PITPNB: variants seen among roughly 807,000 people sequenced by gnomAD.
PITPNB encodes phosphatidylinositol transfer protein beta isoform.
In PITPNB, 16 loss-of-function variants were observed where a neutral mutation model predicts 45.9. The observed-to-expected ratio is 0.35, with a 90% confidence interval of 0.24 to 0.53. The LOEUF (loss-of-function observed/expected upper bound fraction) is 0.53, where lower values mean the gene tolerates loss of function less well. Ranked by LOEUF, PITPNB falls within the 20% of genes least tolerant of loss-of-function variation. The pLI is 0.93. For missense variants in PITPNB, 188 were observed against 330.5 expected (o/e 0.57, Z 3.34); for synonymous variants, 112 against 108.9 (o/e 1.03, Z -0.18).
chr22:27,889,422 TC>T (rs573471303), intron 7 of PITPNB, among the ~76,000 whole-genome samples: 33 of 152,154 alleles, frequency 2.2e-4, no homozygotes, highest in Non-Finnish European at 2.8e-4. Context: ...CAAAGACTCT[TC>T]CCTCTCAGGT....
intron 10 of PITPNB, among the ~76,000 whole-genome samples, chr22:27,856,314 C>T (rs1385615837): frequency 2.6e-5 from 4 of 152,180 alleles, no homozygotes; most frequent in Non-Finnish European, 5.9e-5. Context: ...ACCTTCTTCT[C>T]GAGTGCAATT....
chr22:27,865,546 C>G (rs1383259207), intron 8 of PITPNB, among the ~76,000 whole-genome samples: 1 of 152,184 alleles, frequency 6.6e-6, no homozygotes, highest in Admixed American at 6.5e-5. Context: ...TGAAAAATCT[C>G]AATGGGGCAA....
chr22:27,913,881 T>C lies in PITPNB; in HGVS notation c.51+436A>G, dbSNP rs1381088690. Among the ~76,000 whole-genome samples the C allele has an allele frequency of 1.3e-5, 2 of 152,306 alleles. 1 individual carries two copies. Among genetic ancestry groups the C allele is most frequent in the Middle Eastern group, 6.8e-3 (2 of 294 alleles). The stretch of plus-strand genomic sequence containing the variant: ...CAAGACAGAACAGGCTTATTTCCCA[T>C]TGCTCAAATGGGATAAACTGTAAAC... On this transcript the variant is annotated intron_variant, in intron 2 of 11. Coordinates refer to ENST00000335272, the MANE Select transcript of PITPNB (RefSeq NM_012399.5).
intron 1 of PITPNB, among the ~76,000 whole-genome samples, chr22:27,918,001 G>A (rs1936134181): frequency 6.6e-6 from 1 of 152,154 alleles, no homozygotes; most frequent in Non-Finnish European, 1.5e-5. Context: ...AACAAAAGCA[G>A]GTGGAAAGGT....
At chr22:27,885,472 T>C (rs1935098721) in intron 7 of PITPNB, among the ~76,000 whole-genome samples, 1 of 152,178 alleles carries the variant, frequency 6.6e-6, no homozygotes, top group South Asian at 2.1e-4. Context: ...CAAAACACTT[T>C]TTAATCTGAC....
intron 1 of PITPNB, among the ~76,000 whole-genome samples, chr22:27,915,454 A>G (rs1026584507): frequency 2.6e-5 from 4 of 152,024 alleles, no homozygotes; most frequent in African/African-American, 4.8e-5. Context: ...AACCCAGATT[A>G]TATCTAGTTT....
chr22:27,905,018 C>A (rs1371052473), intron 3 of PITPNB, among the ~76,000 whole-genome samples: 2 of 152,180 alleles, frequency 1.3e-5, no homozygotes, highest in Non-Finnish European at 2.9e-5. Flanking sequence ...CAGGATCACT[C>A]TTGATTTGGA....
At chr22:27,899,647 A>G (rs1012362952) in intron 3 of PITPNB, among the ~76,000 whole-genome samples, 1 of 152,086 alleles carries the variant, frequency 6.6e-6, no homozygotes, top group Admixed American at 6.5e-5. Flanking sequence ...CAAATGGTGG[A>G]ACAATTCATT....
At position 27,853,669 on chromosome 22, in the gene PITPNB, A is replaced by G; in HGVS notation, c.*39-6T>C. On this transcript the variant is annotated splice_polypyrimidine_tract_variant and splice_region_variant and intron_variant, in intron 11 of 11. Transcript: ENST00000335272. ...ACTTGACCTTGATTACGTAACTGTA[A>G]GAAAAGTGAAAGACAGTGCAAAATG... is the stretch of plus-strand genomic sequence containing the variant. 1 of 1,548,308 alleles carries G rather than the reference A, an allele frequency of 6.5e-7. No individual in the cohort carries two copies. Among genetic ancestry groups the G allele is most frequent in the Non-Finnish European group, 8.7e-7 (1 of 1,144,530 alleles).
At chr22:27,888,229 T>C (rs1569021135) in intron 7 of PITPNB, among the ~76,000 whole-genome samples, 1 of 152,210 alleles carries the variant, frequency 6.6e-6, no homozygotes, top group South Asian at 2.1e-4. Context: ...CTGAACTCCA[T>C]CACATGAGTG....
In PITPNB at chr22:27,883,793, C is replaced by T. The variant is rs562130190; in HGVS notation, c.457-9978G>A. On this transcript the variant is annotated intron_variant, in intron 7 of 11. Coordinates refer to ENST00000335272, the MANE Select transcript of PITPNB (RefSeq NM_012399.5). Reference sequence around the variant, plus strand: ...TGGACTAGTGGACAGACCCAACCCACAACTGGAAGTCATGCATGTACAGAC... The same window carrying T: ...TGGACTAGTGGACAGACCCAACCCATAACTGGAAGTCATGCATGTACAGAC... Among the ~76,000 whole-genome samples the T allele has an allele frequency of 2.6e-5, 4 of 152,336 alleles. 1 individual carries two copies. In the South Asian group the frequency reaches 8.3e-4, roughly 32 times the overall value.
chr22:27,864,741 C>A (rs1336404060), intron 8 of PITPNB, among the ~76,000 whole-genome samples: 4 of 152,050 alleles, frequency 2.6e-5, no homozygotes, highest in Admixed American at 6.6e-5. Flanking sequence ...AGTTCTAAAT[C>A]AGCCTGGCCA....
chr22:27,868,390 T>G (rs775629371), intron 8 of PITPNB, among the ~76,000 whole-genome samples: 3 of 152,210 alleles, frequency 2.0e-5, no homozygotes, highest in Non-Finnish European at 4.4e-5. Context: ...TGCAGTTTCA[T>G]TATCTTAGGT....
chr22:27,917,786 A>AAAT lies in PITPNB; in HGVS notation c.20+1383_20+1385dup, dbSNP rs538637370. Among the ~76,000 whole-genome samples the AAAT allele has an allele frequency of 1.5e-3, 227 of 152,330 alleles. 1 individual carries two copies. The highest frequency in any genetic ancestry group is 5.2e-3 in the African/African-American group (217 of 41,562). ...AAAGAGAACACAACTAGTAGGAGAA[A>AAAT]AATAATAATAATAAATTGTATTGGC... is the stretch of plus-strand genomic sequence containing the variant. On this transcript the variant is annotated intron_variant, in intron 1 of 11. Coordinates refer to ENST00000335272, the MANE Select transcript of PITPNB (RefSeq NM_012399.5).
At chr22:27,910,535 AAATAACAATATGG>A (rs1025519342) in intron 3 of PITPNB, 305 of 157,244 alleles carry the variant, frequency 1.9e-3, no homozygotes, top group African/African-American at 7.0e-3. Flanking sequence ...CACAGATATT[AAATAACAATATGG>A]AAGATGTTCA....
chr22:27,903,134 A>G (rs1168989017), intron 3 of PITPNB, among the ~76,000 whole-genome samples: 1 of 152,188 alleles, frequency 6.6e-6, no homozygotes, highest in African/African-American at 2.4e-5. Flanking sequence ...TACCCGGAAT[A>G]TATAAATAAG....
At chr22:27,874,352 T>C (rs1934755881) in intron 7 of PITPNB, among the ~76,000 whole-genome samples, 1 of 152,046 alleles carries the variant, frequency 6.6e-6, no homozygotes, top group Admixed American at 6.5e-5. Flanking sequence ...CTCCAAACCC[T>C]TGTTCGAGAG....
chr22:27,887,111 G>A (rs1450219848), intron 7 of PITPNB, among the ~76,000 whole-genome samples: 1 of 152,098 alleles, frequency 6.6e-6, no homozygotes, highest in Non-Finnish European at 1.5e-5. Context: ...TTTAAATTGG[G>A]TAAGACTATA....
chr22:27,899,324 T>A (rs974451465), intron 3 of PITPNB, among the ~76,000 whole-genome samples: 1 of 152,186 alleles, frequency 6.6e-6, no homozygotes, highest in African/African-American at 2.4e-5. Context: ...TTTGTTCACT[T>A]ATTTCTTTTT....
Sources: allele counts gnomAD v4.1 joint callset (sites outside exome capture counted in the v4.1 genomes callset), GRCh38; gene constraint gnomAD v4.1.1; transcripts MANE v1.5; gene names NCBI Gene and HGNC (gene_info 2026-07-23, HGNC 2026-07-21).